Variants in ZNF671 observed in about 807,000 individuals in gnomAD.
ZNF671 encodes zinc finger protein 671.
Under a neutral mutation model 16.6 loss-of-function variants are expected in ZNF671, and 19 were observed. The observed-to-expected ratio is 1.14, with a 90% CI of 0.80 to 1.68. The LOEUF is 1.68. ZNF671 is among the 40% of genes most tolerant of loss of function. ZNF671 has a pLI of 0.00. For missense variants in ZNF671, 637 were observed against 659.8 expected (o/e 0.97, Z 0.38); for synonymous variants, 238 against 236.3 (o/e 1.01, Z -0.06).
At chr19:57,723,436 T>C in intron 1 of ZNF671, 96 bp from the exon 2 acceptor site, 1 of 1,465,888 alleles carries the variant, frequency 6.8e-7, no homozygotes, top group Non-Finnish European at 9.2e-7. Context: ...ACCTCCCAGG[T>C]TCCCAAGTCA....
At chr19:57,727,363 C>CT in intron 1 of ZNF671, 28 bp downstream of exon 1, 1 of 1,578,250 alleles carries the variant, frequency 6.3e-7, no homozygotes, top group Non-Finnish European at 8.6e-7. Context: ...GAAAGGGTGA[C>CT]TGAGGGCCCG....
intron 2 of ZNF671, among the ~76,000 whole-genome samples, chr19:57,722,849 C>T (rs1052490877): frequency 1.3e-5 from 2 of 151,684 alleles, no homozygotes; most frequent in African/African-American, 2.4e-5. Context: ...GAGCTGAGAT[C>T]ATGCCACTGC....
chr19:57,727,574 G>A lies in ZNF671; in HGVS notation c.-46C>T, dbSNP rs370259824. On this transcript the variant is annotated 5_prime_UTR_variant, in exon 1 of 4. The change creates a new upstream start codon in the 5' untranslated region. Transcript: ENST00000317398. ...ACCTCCACCTGCGGCCCACACAAGC[G>A]TTACAGAACCCCGGCCAGGGACAGC... 10 of 1,566,802 alleles carry A rather than the reference G, an allele frequency of 6.4e-6. No homozygotes were observed. In the African/African-American group the frequency reaches 6.8e-5, roughly 11 times the overall value.
In ZNF671 at chr19:57,720,733, A is replaced by C; in HGVS notation, c.1353T>G (p.Tyr451Ter). The C allele has an allele frequency of 6.2e-7, 1 of 1,614,242 alleles. No individual in the cohort carries two copies. The highest frequency in any genetic ancestry group is 8.5e-7 in the Non-Finnish European group (1 of 1,180,052). Residue 451 changes from tyrosine (Y) to a stop codon, truncating the protein, a stop_gained, in exon 4 of 4, where the codon TAT becomes TAG. Coordinates refer to ENST00000317398, the MANE Select transcript of ZNF671 (RefSeq NM_024833.3). LOFTEE classifies it low-confidence loss of function (END_TRUNC). ...AAGCTTTACCACATCTGCTACACTC[A>C]TAATCACTGCTGTGAATTCTCCAGT... ...NVHWRIHSSD[Y>*]ECSRCGKAFS...
At position 57,722,316 on chromosome 19, in the gene ZNF671, C is replaced by G; in HGVS notation, c.388G>C (p.Gly130Arg). 1 of 1,613,998 alleles carries G rather than the reference C, an allele frequency of 6.2e-7. No homozygotes were observed. Among genetic ancestry groups the G allele is most frequent in the Non-Finnish European group, 8.5e-7 (1 of 1,179,954 alleles). The stretch of plus-strand genomic sequence containing the variant: ...GTGCCCTTCCCCGATGTCCACTCAC[C>G]AGGTCTAAGTCCCCTCTGGGCCTCT... ...EREAQRGLRP[G>R]CWHGVEDEEV... Residue 130 changes from glycine to arginine, a missense_variant and splice_region_variant, in exon 3 of 4, where the codon GGT becomes CGT. Transcript: ENST00000317398.
chr19:57,722,707 G>A (rs1318012500), intron 2 of ZNF671, among the ~76,000 whole-genome samples: 4 of 152,064 alleles, frequency 2.6e-5, no homozygotes, highest in African/African-American at 9.7e-5. Flanking sequence ...TTCAAGACCA[G>A]CCTGGGCAAC....
intron 1 of ZNF671, among the ~76,000 whole-genome samples, chr19:57,725,631 A>AAAAAC (rs748837216): frequency 1.3e-5 from 2 of 151,040 alleles, no homozygotes; most frequent in African/African-American, 2.4e-5. Flanking sequence ...TCCATCTCAA[A>AAAAAC]AAAACAAAAC....
At chr19:57,722,906 GAAA>G (rs1490775133) in intron 2 of ZNF671, among the ~76,000 whole-genome samples, 1 of 150,898 alleles carries the variant, frequency 6.6e-6, no homozygotes, top group Non-Finnish European at 1.5e-5. Flanking sequence ...AAAAAAAAAA[GAAA>G]AGAAAATGTC....
chr19:57,721,959 C>G (rs34992798), intron 3 of ZNF671: 2 of 572,208 alleles, frequency 3.5e-6, no homozygotes, highest in Non-Finnish European at 6.1e-6. Context: ...GTTAGTGACT[C>G]GTGAGTGCTA....
chr19:57,721,979 T>A, intron 3 of ZNF671: 1 of 559,074 alleles, frequency 1.8e-6, no homozygotes, highest in Non-Finnish European at 3.1e-6. Flanking sequence ...ATGAAAAATG[T>A]ATCCAGTCCC....
intron 3 of ZNF671, 35 bp downstream of exon 3, chr19:57,722,281 C>A (rs1428466223): frequency 6.2e-7 from 1 of 1,611,104 alleles, no homozygotes; most frequent in Admixed American, 1.7e-5. Context: ...TTGAACCCAG[C>A]TTTGACATCG....
At position 57,720,569 on chromosome 19, in the gene ZNF671, G is replaced by T. The variant is rs757017541; in HGVS notation, c.1517C>A (p.Pro506His). The change falls in exon 4 of 4, where the codon CCT becomes CAT. Residue 506 changes from proline (P) to histidine (H), a missense_variant. Coordinates refer to ENST00000317398, the MANE Select transcript of ZNF671 (RefSeq NM_024833.3). ...RHWKVHTGER[P>H]YVCSECGREF... ...TCTCCCGCACTCACTACACACATAA[G>T]GCCTTTCCCCAGTGTGGACTTTCCA... 1.2e-6 allele frequency: 2 copies of T among 1,614,080 alleles called. No individual in the cohort carries two copies. The highest frequency in any genetic ancestry group is 2.7e-5 in the African/African-American group (2 of 74,922).
intron 1 of ZNF671, among the ~76,000 whole-genome samples, chr19:57,726,607 T>C (rs1986057844): frequency 6.6e-6 from 1 of 152,016 alleles, no homozygotes; most frequent in South Asian, 2.1e-4. Context: ...CTGCCCCACT[T>C]AAATCTGACC....
intron 1 of ZNF671, among the ~76,000 whole-genome samples, chr19:57,724,006 T>C (rs1391065416): frequency 1.4e-5 from 2 of 147,746 alleles, no homozygotes; most frequent in Non-Finnish European, 3.0e-5. Flanking sequence ...ATCATGCTAC[T>C]ACACTCCAGT....
At chr19:57,723,485 C>G in intron 1 of ZNF671, 145 bp from the exon 2 acceptor site, 2 of 878,196 alleles carry the variant, frequency 2.3e-6, no homozygotes. Context: ...CTCACTCTCT[C>G]CTGATCACCC....
At position 57,723,246 on chromosome 19, in the gene ZNF671, A is replaced by G; in HGVS notation, c.233T>C (p.Met78Thr). 6.2e-7 allele frequency: 1 copy of G among 1,613,480 alleles called. No homozygotes were observed. The highest frequency in any genetic ancestry group is 8.5e-7 in the Non-Finnish European group (1 of 1,179,596). The change falls in exon 2 of 4, where the codon ATG (methionine) becomes ACG (threonine). Residue 78 changes from methionine (M) to threonine (T), a missense_variant. Met to Thr is a moderately conservative substitution (Grantham distance 81, BLOSUM62 -1). Transcript: ENST00000317398. The stretch of plus-strand genomic sequence containing the variant: ...GGCTAAAAGTGCAAAGTTCTCCAGC[A>G]TCACATCATGGTACAAAAGTCTCTG... ...DAQRLLYHDV[M>T]LENFALLASL... is the part of the protein sequence containing the mutation.
chr19:57,726,865 A>G (rs935297905), intron 1 of ZNF671: 3 of 152,978 alleles, frequency 2.0e-5, no homozygotes, highest in African/African-American at 7.2e-5. Flanking sequence ...GTTGGTTTCA[A>G]ATTTAAAACC....
intron 1 of ZNF671, among the ~76,000 whole-genome samples, chr19:57,724,648 C>A (rs997495384): frequency 6.6e-6 from 1 of 152,088 alleles, no homozygotes; most frequent in Non-Finnish European, 1.5e-5. Context: ...GCCTCAGCCT[C>A]CCGAGTAGCC....
At position 57,725,243 on chromosome 19, in the gene ZNF671, C is replaced by G. The variant is rs182488460; in HGVS notation, c.139-1903G>C. ...CTTTGGGAGGCCGAGGCGGGTGGAT[C>G]TCCTGAGGGCAGGAGTTCGAGACCA... On this transcript the variant is annotated intron_variant, in intron 1 of 3. Coordinates refer to ENST00000317398, the MANE Select transcript of ZNF671 (RefSeq NM_024833.3). Among the ~76,000 whole-genome samples, 249 of 151,712 alleles carry G rather than the reference C, an allele frequency of 1.6e-3. 1 individual carries two copies. The highest frequency in any genetic ancestry group is 3.4e-3 in the Middle Eastern group (1 of 294).
Sources: allele counts gnomAD v4.1 joint callset (sites outside exome capture counted in the v4.1 genomes callset), GRCh38; gene constraint gnomAD v4.1.1; transcripts MANE v1.5; gene names NCBI Gene and HGNC (gene_info 2026-07-23, HGNC 2026-07-21).